RBPJ: variants seen among roughly 807,000 people sequenced by gnomAD.
RBPJ encodes recombination signal binding protein for immunoglobulin kappa J region.
A neutral mutation model predicts 67.8 loss-of-function variants in RBPJ; 9 were observed. The observed-to-expected ratio is 0.13, with a 90% CI of 0.08 to 0.23. RBPJ has a LOEUF of 0.23. Ranked by LOEUF, RBPJ falls within the 10% of genes least tolerant of loss-of-function variation. The pLI is 1.00. For missense variants in RBPJ, 305 were observed against 595.6 expected, an observed-to-expected ratio of 0.51 and a Z score of 5.08; for synonymous variants, 198 against 203.3, an observed-to-expected ratio of 0.97 and a Z score of 0.22.
chr4:26,210,700 T>TTTCTTTCTTTCCTTCCTTCTTTCC (rs1348512062), intron 1 of RBPJ, among the ~76,000 whole-genome samples: 1 of 59,850 alleles, frequency 1.7e-5, no homozygotes, highest in East Asian at 7.1e-4. Flanking sequence ...TCTTTCTTTC[T>TTTCTTTCTTTCCTTCCTTCTTTCC]TTCTTTCCTT....
chr4:26,198,265 AAAAC>A (rs1402011117), intron 1 of RBPJ, among the ~76,000 whole-genome samples: 2 of 151,672 alleles, frequency 1.3e-5, no homozygotes, highest in East Asian at 3.9e-4. Flanking sequence ...AAAAAACAAA[AAAAC>A]AAAAAAACAA....
Position 26,321,063 on chromosome 4 carries a change from A to G in RBPJ, c.20+15A>G, listed in dbSNP as rs1722976200. The stretch of plus-strand genomic sequence containing the variant: ...GTTGTGACAGGGTAAGTCTGAGGGA[A>G]TCGGAGCGCCGGGAACCGGGAAAGT... On this transcript the variant is annotated intron_variant, in intron 1 of 10. Transcript: ENST00000355476. 1.3e-6 allele frequency: 2 copies of G among 1,590,496 alleles called. No homozygotes were observed. The highest frequency in any genetic ancestry group is 1.3e-5 in the African/African-American group (1 of 74,266).
At chr4:26,146,919 G>A in the RBPJ span, among the ~76,000 whole-genome samples, 1 of 152,218 alleles carries the variant, frequency 6.6e-6, no homozygotes, top group African/African-American at 2.4e-5. Context: ...CCAGGCAGAA[G>A]CAACAGCATG....
At chr4:26,218,061 C>T (rs542176690) in intron 1 of RBPJ, among the ~76,000 whole-genome samples, 4 of 152,284 alleles carry the variant, frequency 2.6e-5, no homozygotes, top group East Asian at 1.9e-4. Flanking sequence ...CCACGAGCCC[C>T]GCACAGGGAA....
intron 8 of RBPJ, among the ~76,000 whole-genome samples, chr4:26,429,140 T>C (rs1735965040): frequency 6.6e-6 from 1 of 152,146 alleles, no homozygotes; most frequent in Admixed American, 6.5e-5. Flanking sequence ...CCTCAGGATA[T>C]CCAAAAATAG....
At chr4:26,295,991 C>T (rs1721861807) in intron 1 of RBPJ, among the ~76,000 whole-genome samples, 1 of 152,188 alleles carries the variant, frequency 6.6e-6, no homozygotes, top group African/African-American at 2.4e-5. Context: ...CCATTTAGAA[C>T]TACTATAAGA....
At chr4:26,186,253 A>T (rs960490218) in intron 1 of RBPJ, among the ~76,000 whole-genome samples, 1 of 149,474 alleles carries the variant, frequency 6.7e-6, no homozygotes, top group Admixed American at 6.7e-5. Flanking sequence ...ACCATTTATT[A>T]GCTGTGTGAC....
chr4:26,318,142 C>T (rs1210899380), upstream of RBPJ, among the ~76,000 whole-genome samples: 1 of 152,080 alleles, frequency 6.6e-6, no homozygotes, highest in Non-Finnish European at 1.5e-5. Context: ...CACACACACA[C>T]ACACACACCC....
chr4:26,367,805 T>C (rs936188571), intron 1 of RBPJ: 6 of 152,206 alleles, frequency 3.9e-5, no homozygotes, highest in African/African-American at 1.4e-4. Context: ...TAAATAAGGC[T>C]TCAAAGCAGG....
intron 1 of RBPJ, among the ~76,000 whole-genome samples, chr4:26,244,747 C>A (rs1323600936): frequency 6.6e-6 from 1 of 151,902 alleles, no homozygotes; most frequent in Non-Finnish European, 1.5e-5. Context: ...GCCTCAGCTT[C>A]CTGAGTAGCT....
intron 3 of RBPJ, among the ~76,000 whole-genome samples, chr4:26,411,712 A>G (rs139946744): frequency 2.6e-4 from 40 of 152,126 alleles, no homozygotes; most frequent in African/African-American, 9.4e-4. Context: ...CCTGATTTTT[A>G]CCATTTCATG....
At chr4:26,198,512 T>C (rs760087104) in intron 1 of RBPJ, among the ~76,000 whole-genome samples, 2 of 152,174 alleles carry the variant, frequency 1.3e-5, no homozygotes, top group African/African-American at 2.4e-5. Flanking sequence ...CTCAAGCAAA[T>C]AGTAATAATA....
the RBPJ span, among the ~76,000 whole-genome samples, chr4:26,143,333 A>G: frequency 1.3e-5 from 2 of 152,180 alleles, no homozygotes; most frequent in African/African-American, 4.8e-5. Context: ...AAATCTTCTT[A>G]ACAGGTAAGT....
chr4:26,141,173 A>C, the RBPJ span, among the ~76,000 whole-genome samples: 4 of 152,374 alleles, frequency 2.6e-5, no homozygotes, highest in South Asian at 6.2e-4. Context: ...AAATGAAAGG[A>C]TAAGTCCTCA....
chr4:26,368,771 C>T (rs557719733), intron 1 of RBPJ, among the ~76,000 whole-genome samples: 1 of 152,208 alleles, frequency 6.6e-6, no homozygotes, highest in Non-Finnish European at 1.5e-5. Context: ...TTTAAATAAA[C>T]TCCTTTGTTG....
rs1300678606 is a variant in RBPJ at position 26,264,788 on chromosome 4, T to G, written c.-166-97658T>G. 6.6e-6 allele frequency among the ~76,000 whole-genome samples: 1 copy of G among 152,202 alleles called. No homozygotes were observed. Among genetic ancestry groups the G allele is most frequent in the Non-Finnish European group, 1.5e-5 (1 of 68,020 alleles). Reference sequence around the variant, plus strand: ...CCCCTGCACTGTGCTCCCATAACCCTCTGCCTACCGTAGCAGGCATTTTAT... The same window carrying G: ...CCCCTGCACTGTGCTCCCATAACCCGCTGCCTACCGTAGCAGGCATTTTAT... On this transcript the variant is annotated intron_variant, in intron 1 of 4. Transcript: ENST00000512351. This position sits in a 1 kb window ranked among gnomAD's most constrained non-coding sequence, Gnocchi z 4.1.
At chr4:26,168,869 C>A (rs1716430667) in intron 1 of RBPJ, among the ~76,000 whole-genome samples, 1 of 152,116 alleles carries the variant, frequency 6.6e-6, no homozygotes, top group South Asian at 2.1e-4. Flanking sequence ...ACATCGGCTC[C>A]TGAGGCTTCT....
At chr4:26,214,229 GAGAA>G (rs1038836589) in intron 1 of RBPJ, among the ~76,000 whole-genome samples, 2 of 139,290 alleles carry the variant, frequency 1.4e-5, no homozygotes, top group Non-Finnish European at 3.1e-5. Flanking sequence ...AAAGGAAGGA[GAGAA>G]AGAAAGAGAA....
chr4:26,199,027 G>A (rs565392816), intron 1 of RBPJ, among the ~76,000 whole-genome samples: 223 of 151,904 alleles, frequency 1.5e-3, no homozygotes, highest in African/African-American at 5.2e-3. Flanking sequence ...ATTAATCTCC[G>A]GGACTTTTTC....
Sources: gnomAD v4.1 joint callset for allele counts (sites outside exome capture counted in the v4.1 genomes callset) on GRCh38, gnomAD v4.1.1 for gene constraint, Gnocchi (gnomAD v3.1) non-coding constraint, MANE v1.5 for transcripts, NCBI Gene and HGNC (gene_info 2026-07-23, HGNC 2026-07-21) for gene names.